The following VRK2 variants were observed in gnomAD, a reference collection of about 807,000 sequenced individuals.
VRK2 encodes VRK serine/threonine kinase 2, also known as serine/threonine-protein kinase VRK2.
Under a neutral mutation model 57.6 loss-of-function variants are expected in VRK2, and 60 were observed. That is an observed-to-expected ratio of 1.04 (90% CI 0.85 to 1.29). VRK2 has a LOEUF of 1.29. Among genes scored for constraint, VRK2 ranks in the 50% most tolerant of loss-of-function variants. VRK2 has a pLI of 0.00. For missense variants in VRK2, 705 were observed against 588.1 expected, an observed-to-expected ratio of 1.20 and a Z score of -2.06; for synonymous variants, 231 against 199.2, an observed-to-expected ratio of 1.16 and a Z score of -1.35.
At chr2:58,116,121 A>G (rs71206889) in intron 7 of VRK2, among the ~76,000 whole-genome samples, 1 of 152,208 alleles carries the variant, frequency 6.6e-6, no homozygotes, top group African/African-American at 2.4e-5. Context: ...CAGGCGAGTG[A>G]TAACAGGCTT....
intron 2 of VRK2, among the ~76,000 whole-genome samples, chr2:58,066,330 G>A (rs1668606567): frequency 6.6e-6 from 1 of 152,088 alleles, no homozygotes; most frequent in Non-Finnish European, 1.5e-5. Context: ...TACTTCAATT[G>A]ATATGATCAG....
intron 7 of VRK2, among the ~76,000 whole-genome samples, chr2:58,117,546 G>C (rs2104453218): frequency 6.6e-6 from 1 of 152,204 alleles, no homozygotes; most frequent in South Asian, 2.1e-4. Context: ...ACAGGCGGGA[G>C]GGAAAGAAGG....
intron 1 of VRK2, among the ~76,000 whole-genome samples, chr2:57,965,299 C>A (rs948252152): frequency 2.6e-5 from 4 of 152,244 alleles, no homozygotes; most frequent in South Asian, 2.1e-4. Context: ...AAAATAGTTT[C>A]ATGGGAAAAT....
At chr2:58,106,751 CAG>C (rs150967125) in intron 7 of VRK2, among the ~76,000 whole-genome samples, 10,365 of 152,010 alleles carry the variant, frequency 0.068, 420 homozygotes, top group Non-Finnish European at 0.092. Context: ...TCCATCAAAA[CAG>C]AAACTGCTTT....
chr2:58,086,265 ATT>A lies in VRK2; in HGVS notation c.257-72_257-71del. 4 of 1,327,116 alleles carry A rather than the reference ATT, an allele frequency of 3.0e-6. No homozygotes were observed. The South Asian group carries it at 5.3e-5, about 18-fold the overall frequency. The allele number at this position is 1,327,116 out of a possible 1,614,324, so 82.2% of individuals were successfully genotyped here. On this transcript the variant is annotated intron_variant, in intron 4 of 12. Transcript: ENST00000340157. ...ATTACTTTTTTGGTTAGCTAAATAA[ATT>A]TGTCTGTAGAAAGGTGACAAGTATC...
intron 11 of VRK2, 27 bp downstream of exon 11, chr2:58,139,859 A>G (rs371436944): frequency 2.0e-5 from 32 of 1,568,620 alleles, no homozygotes; most frequent in African/African-American, 1.6e-4. Context: ...CTGCTATCCT[A>G]TGATTACCTT....
chr2:58,136,840 T>C (rs1447520920), intron 10 of VRK2, among the ~76,000 whole-genome samples: 3 of 135,244 alleles, frequency 2.2e-5, no homozygotes, highest in African/African-American at 9.3e-5. Flanking sequence ...ATATATCATA[T>C]ATATTATATC....
At chr2:57,936,539 T>G (rs569454977) in intron 1 of VRK2, among the ~76,000 whole-genome samples, 44 of 151,286 alleles carry the variant, frequency 2.9e-4, no homozygotes, top group African/African-American at 9.7e-4. Context: ...TTGTTTTTTT[T>G]TTTTTGAGAT....
chr2:57,944,519 G>T (rs1227247811), intron 1 of VRK2, among the ~76,000 whole-genome samples: 2 of 152,176 alleles, frequency 1.3e-5, no homozygotes, highest in African/African-American at 4.8e-5. Flanking sequence ...GGCGGATCAC[G>T]ACGTCAGGAG....
At chr2:57,944,226 G>A (rs887755215) in intron 1 of VRK2, among the ~76,000 whole-genome samples, 1 of 152,182 alleles carries the variant, frequency 6.6e-6, no homozygotes, top group South Asian at 2.1e-4. Context: ...GTGGGGTTAT[G>A]AACTCAAGGT....
chr2:58,137,149 C>CATAT (rs1680366573), intron 10 of VRK2, among the ~76,000 whole-genome samples: 5 of 47,588 alleles, frequency 1.1e-4, no homozygotes, highest in Admixed American at 7.2e-4. Flanking sequence ...TCATATATAT[C>CATAT]ATGTGTTTAT....
chr2:58,120,179 CTTTTCTTTTTTTTT>C (rs796098580), intron 7 of VRK2, among the ~76,000 whole-genome samples: 2,068 of 93,348 alleles, frequency 0.022, 88 homozygotes, highest in African/African-American at 0.089. Flanking sequence ...ATTTTTTTTT[CTTTTCTTTTTTTTT>C]TTTTTTTTTT....
chr2:58,103,077 G>GA (rs1295615757), intron 7 of VRK2, among the ~76,000 whole-genome samples: 2 of 151,200 alleles, frequency 1.3e-5, no homozygotes, highest in East Asian at 1.9e-4. Flanking sequence ...TTGGGATACA[G>GA]AAAAAAGCAC....
chr2:57,941,536 C>T (rs1041274374), intron 1 of VRK2, among the ~76,000 whole-genome samples: 1 of 152,148 alleles, frequency 6.6e-6, no homozygotes, highest in Admixed American at 6.5e-5. Flanking sequence ...CTTTCTGACA[C>T]CTTTTCTATA....
chr2:58,157,664 A>G (rs1684140387), intron 12 of VRK2, among the ~76,000 whole-genome samples: 1 of 152,206 alleles, frequency 6.6e-6, no homozygotes, highest in African/African-American at 2.4e-5. Context: ...AGACCTTTTG[A>G]ATGAGATCTG....
intron 1 of VRK2, among the ~76,000 whole-genome samples, chr2:57,937,959 G>A (rs1159463990): frequency 6.7e-6 from 1 of 150,054 alleles, no homozygotes; most frequent in Admixed American, 6.7e-5. Context: ...AGCCTCCCAA[G>A]TAGCTGGGAC....
intron 12 of VRK2, among the ~76,000 whole-genome samples, chr2:58,150,079 C>T (rs1486446633): frequency 2.0e-5 from 3 of 147,488 alleles, no homozygotes; most frequent in Non-Finnish European, 4.5e-5. Context: ...CACAGAGCAG[C>T]TGTAATTTTC....
chr2:57,917,081 A>G (rs2103896994), intron 1 of VRK2, among the ~76,000 whole-genome samples: 1 of 152,296 alleles, frequency 6.6e-6, no homozygotes, highest in East Asian at 1.9e-4. Flanking sequence ...AACAGATATT[A>G]TCCCCTAAAA....
At chr2:58,052,249 G>T (rs1675855002) in intron 2 of VRK2, among the ~76,000 whole-genome samples, 1 of 152,082 alleles carries the variant, frequency 6.6e-6, no homozygotes, top group African/African-American at 2.4e-5. Flanking sequence ...TTTTTTTAAG[G>T]AACTTGGTAA....
Sources: gnomAD v4.1 joint callset for allele counts (sites outside exome capture counted in the v4.1 genomes callset) on GRCh38, gnomAD v4.1.1 for gene constraint, MANE v1.5 for transcripts, NCBI Gene and HGNC (gene_info 2026-07-23, HGNC 2026-07-21) for gene names.